The following CACNB3 variants were observed in gnomAD, a reference collection of about 807,000 sequenced individuals.
CACNB3 encodes calcium voltage-gated channel auxiliary subunit beta 3.
Under a neutral mutation model 63.7 loss-of-function variants are expected in CACNB3, and 36 were observed. That is an observed-to-expected ratio of 0.57 (90% CI 0.43 to 0.75). The LOEUF (loss-of-function observed/expected upper bound fraction) is 0.75. CACNB3 is among the 30% of genes least tolerant of loss of function. The pLI is 0.00. For synonymous variants in CACNB3, 241 were observed against 250.6 expected, an observed-to-expected ratio of 0.96 and a Z score of 0.36; for missense variants, 493 against 648.6, an observed-to-expected ratio of 0.76 and a Z score of 2.61.
At position 48,828,294 on chromosome 12, in the gene CACNB3, A is replaced by T; in HGVS notation, c.*395A>T. The stretch of plus-strand genomic sequence containing the variant: ...AAGGGTGGGGTGTGGGCACCATGGC[A>T]TGAGGAAGAAACAAGGTCCCTGAGC... On this transcript the variant is annotated 3_prime_UTR_variant, in exon 13 of 13. Transcript: ENST00000301050. 3.2e-6 allele frequency: 1 copy of T among 312,812 alleles called. No homozygotes were observed. Among genetic ancestry groups the T allele is most frequent in the Non-Finnish European group, 6.2e-6 (1 of 161,048 alleles). The allele number at this position is 312,812 out of a possible 1,614,324, so 19.4% of individuals were successfully genotyped here. A position where few individuals can be genotyped will look rare whatever the true frequency, so the allele number is the denominator to read the frequency against.
chr12:48,826,258 C>G lies in CACNB3; in HGVS notation c.743-109C>G. The G allele has an allele frequency of 2.7e-6, 3 of 1,097,580 alleles. No individual in the cohort carries two copies. Among genetic ancestry groups the G allele is most frequent in the Non-Finnish European group, 4.0e-6 (3 of 743,368 alleles). 68.0% of individuals were successfully genotyped at this position (1,097,580 alleles called of 1,614,324 possible). A position where few individuals can be genotyped will look rare whatever the true frequency, so the allele number is the denominator to read the frequency against. On this transcript the variant is annotated intron_variant, in intron 9 of 12. Transcript: ENST00000301050. The surrounding 1 kb of genome is among the most constrained non-coding windows in gnomAD (Gnocchi z 4.8). Reference sequence around the variant, plus strand: ...CTGCCTGTCCAGGCTTCGATGAATGCCCTTTTCCTCCAATTCCTTCCTGTC... The same window carrying G: ...CTGCCTGTCCAGGCTTCGATGAATGGCCTTTTCCTCCAATTCCTTCCTGTC...
chr12:48,824,281 C>G lies in CACNB3; in HGVS notation c.315C>G (p.Ile105Met). ...IKEKYSNDWWIGRLVKEGGDI... is the reference protein window; with the variant it reads ...IKEKYSNDWWMGRLVKEGGDI... ...AGAAGTACAGCAATGACTGGTGGATCGGGCGGCTAGTGAAAGAGGGCGGGG... is the reference window on the plus strand; with the variant it reads ...AGAAGTACAGCAATGACTGGTGGATGGGGCGGCTAGTGAAAGAGGGCGGGG... Residue 105 changes from isoleucine to methionine, a missense_variant, in exon 4 of 13, where the codon ATC (isoleucine) becomes ATG (methionine). Physicochemically the swap from Ile to Met is conservative, Grantham distance 10 (BLOSUM62 1). Coordinates refer to ENST00000301050, the MANE Select transcript of CACNB3 (RefSeq NM_000725.4). The G allele has an allele frequency of 1.2e-6, 2 of 1,613,030 alleles. No homozygotes were observed. The highest frequency in any genetic ancestry group is 1.7e-6 in the Non-Finnish European group (2 of 1,179,640).
At chr12:48,814,743 C>G (rs1942244942), upstream of CACNB3, 2 of 567,162 alleles carry the variant, frequency 3.5e-6, no homozygotes, top group Non-Finnish European at 5.9e-6. The surrounding 1 kb of genome is among the most constrained non-coding windows in gnomAD (Gnocchi z 6.9). Context: ...TGCGTCCCCC[C>G]TGCTCTGGCC....
rs1937981922 is a variant in CACNB3, at chr12:48,823,885, C to T, written c.291+82C>T. 1 of 1,564,862 alleles carries T rather than the reference C, an allele frequency of 6.4e-7. No individual in the cohort carries two copies. The highest frequency in any genetic ancestry group is 1.7e-5 in the Admixed American group (1 of 57,890). On this transcript the variant is annotated intron_variant, in intron 3 of 12. Transcript: ENST00000301050. This position sits in a 1 kb window ranked among gnomAD's most constrained non-coding sequence, Gnocchi z 4.2. ...AGATCCTAATGCTTCTGACTTGAATCCTCAGTCTAATTCCCCAAGCTAATC... is the reference window on the plus strand; with the variant it reads ...AGATCCTAATGCTTCTGACTTGAATTCTCAGTCTAATTCCCCAAGCTAATC...
intron 12 of CACNB3, 32 bp downstream of exon 12, chr12:48,827,155 G>T: frequency 6.2e-7 from 1 of 1,608,448 alleles, no homozygotes. Context: ...AGATGCTCAA[G>T]CTAAGCCAGC....
intron 1 of CACNB3, among the ~76,000 whole-genome samples, chr12:48,822,548 G>C (rs1277712661): frequency 6.6e-6 from 1 of 152,196 alleles, no homozygotes; most frequent in Non-Finnish European, 1.5e-5. Flanking sequence ...CCTGGGAAAG[G>C]ACTAGGGAGA....
chr12:48,819,359 C>T (rs190446706), intron 1 of CACNB3, among the ~76,000 whole-genome samples: 3 of 152,226 alleles, frequency 2.0e-5, no homozygotes, highest in Non-Finnish European at 4.4e-5. Context: ...CTAGGAGAGC[C>T]GCCGAGGTGG....
In CACNB3 at chr12:48,828,070, A is replaced by G. The variant is rs1206214669; in HGVS notation, c.*171A>G. The G allele has an allele frequency of 7.9e-6, 5 of 633,118 alleles. No homozygotes were observed. Among genetic ancestry groups the G allele is most frequent in the Admixed American group, 2.9e-5 (1 of 34,526 alleles). 39.2% of individuals were successfully genotyped at this position (633,118 alleles called of 1,614,324 possible). A position where few individuals can be genotyped will look rare whatever the true frequency, so the allele number is the denominator to read the frequency against. On this transcript the variant is annotated 3_prime_UTR_variant, in exon 13 of 13. Coordinates refer to ENST00000301050, the MANE Select transcript of CACNB3 (RefSeq NM_000725.4). ...GTGGTCCCAAGGTTCTGGGAGAAAC[A>G]GGGGACCCCCTCACCTCCTGGGCAG...
Position 48,827,749 on chromosome 12 carries a change from C to T in CACNB3, c.1305C>T (p.Asp435=). 6 of 1,614,148 alleles carry T rather than the reference C, an allele frequency of 3.7e-6. No homozygotes were observed. Among genetic ancestry groups the T allele is most frequent in the Non-Finnish European group, 5.1e-6 (6 of 1,180,018 alleles). Residue 435 remains aspartate, a synonymous_variant, in exon 13 of 13, where the codon GAC becomes GAT. Transcript: ENST00000301050. ...LEEDYADAYQ[D]LYQPHRQHTS... ...AGGACTATGCAGATGCCTACCAGGA[C>T]CTGTACCAGCCTCACCGCCAACACA... is the stretch of plus-strand genomic sequence containing the variant.
In CACNB3 at chr12:48,818,816, C is replaced by T; in HGVS notation, c.-114C>T. The T allele has an allele frequency of 3.6e-6, 5 of 1,374,428 alleles. No individual in the cohort carries two copies. In the South Asian group the frequency reaches 7.0e-5, roughly 19 times the overall value. The allele number at this position is 1,374,428 out of a possible 1,614,324, so 85.1% of individuals were successfully genotyped here. On this transcript the variant is annotated 5_prime_UTR_variant, in exon 1 of 13. Coordinates refer to ENST00000301050, the MANE Select transcript of CACNB3 (RefSeq NM_000725.4). This position sits in a 1 kb window ranked among gnomAD's most constrained non-coding sequence, Gnocchi z 4.3. ...GCGCTCTCTCGCTCCCTGCCGCCGCCCGCAGGGCTGCGGGGCTCGGTGGCA... is the reference window on the plus strand; with the variant it reads ...GCGCTCTCTCGCTCCCTGCCGCCGCTCGCAGGGCTGCGGGGCTCGGTGGCA...
At chr12:48,815,425 G>A, upstream of CACNB3, 1 of 704,758 alleles carries the variant, frequency 1.4e-6, no homozygotes, top group East Asian at 3.0e-5. Flanking sequence ...AGAGACGGAA[G>A]TGGAGAGAGG....
Position 48,818,774 on chromosome 12 carries a change from G to C in CACNB3, c.-156G>C. The stretch of plus-strand genomic sequence containing the variant: ...TGAGCTCCGAGCAGCTGGTCTTCGC[G>C]GCTCGCTCCCTCCTTCGCGCTCTCT... On this transcript the variant is annotated 5_prime_UTR_variant, in exon 1 of 13. Transcript: ENST00000301050. The surrounding 1 kb of genome is among the most constrained non-coding windows in gnomAD (Gnocchi z 4.3). 1 of 1,346,206 alleles carries C rather than the reference G, an allele frequency of 7.4e-7. No individual in the cohort carries two copies. Among genetic ancestry groups the C allele is most frequent in the Non-Finnish European group, 9.5e-7 (1 of 1,048,900 alleles). The allele number at this position is 1,346,206 out of a possible 1,614,324, so 83.4% of individuals were successfully genotyped here. A position where few individuals can be genotyped will look rare whatever the true frequency, so the allele number is the denominator to read the frequency against.
chr12:48,827,818 G>A lies in CACNB3; in HGVS notation c.1374G>A (p.Arg458=). 1 of 1,614,156 alleles carries A rather than the reference G, an allele frequency of 6.2e-7. No homozygotes were observed. Among genetic ancestry groups the A allele is most frequent in the Non-Finnish European group, 8.5e-7 (1 of 1,180,024 alleles). ...CTAACGGGCATGACCCCCAAGACCG[G>A]CTTCTAGCCCAGGACTCAGAGCACA... ...PSANGHDPQD[R]LLAQDSEHNH... Residue 458 remains arginine, a synonymous_variant, in exon 13 of 13, where the codon CGG becomes CGA. Transcript: ENST00000301050.
chr12:48,824,445 G>A, intron 4 of CACNB3, 72 bp downstream of exon 4: 1 of 1,343,284 alleles, frequency 7.4e-7, no homozygotes, highest in Non-Finnish European at 1.0e-6. Flanking sequence ...ACGTCACCAT[G>A]CATGCCATAC....
At chr12:48,818,406 AGTTCCTGGGTTGCCGAGC>A, upstream of CACNB3, 3 of 972,654 alleles carry the variant, frequency 3.1e-6, no homozygotes, top group Non-Finnish European at 3.7e-6. This position sits in a 1 kb window ranked among gnomAD's most constrained non-coding sequence, Gnocchi z 4.3. Flanking sequence ...CCGGCGGAGT[AGTTCCTGGGTTGCCGAGC>A]GTCTCTGTCT....
chr12:48,817,649 T>C (rs1337612697), upstream of CACNB3, among the ~76,000 whole-genome samples: 1 of 152,182 alleles, frequency 6.6e-6, no homozygotes, highest in Non-Finnish European at 1.5e-5. Flanking sequence ...TCAATGCTCC[T>C]GTAAAGGAGA....
In CACNB3 at chr12:48,823,373, ATC is replaced by A; in HGVS notation, c.79_80del (p.Leu27GlyfsTer16). The A allele has an allele frequency of 6.2e-7, 1 of 1,614,092 alleles. No homozygotes were observed. On this transcript the variant is annotated frameshift_variant, in exon 2 of 13. Transcript: ENST00000301050. LOFTEE classifies it high-confidence loss of function. The surrounding 1 kb of genome is among the most constrained non-coding windows in gnomAD (Gnocchi z 4.2). ...CAGCCGACTCCTACACCAGCCGCCCATCTCTGGACTCAGACGTCTCCCTGGAG... is the reference window on the plus strand; with the variant it reads ...CAGCCGACTCCTACACCAGCCGCCCATCTGGACTCAGACGTCTCCCTGGAG... ...GSADSYTSRP[S>X]LDSDVSLEED...
At chr12:48,824,465 T>C (rs1164493538) in intron 4 of CACNB3, 92 bp downstream of exon 4, 1 of 1,176,590 alleles carries the variant, frequency 8.5e-7, no homozygotes, top group Non-Finnish European at 1.2e-6. Flanking sequence ...CACATGCATA[T>C]CCCCCTGAAA....
chr12:48,825,104 C>A lies in CACNB3; in HGVS notation c.493-59C>A, dbSNP rs1428484134. On this transcript the variant is annotated intron_variant, in intron 6 of 12. Transcript: ENST00000301050. This position sits in a 1 kb window ranked among gnomAD's most constrained non-coding sequence, Gnocchi z 4.5. ...ACCTCTGGATCTGCCCTGACGCCAA[C>A]CAGGCATGAGACAGGCACCAGGGCC... 8.1e-6 allele frequency: 13 copies of A among 1,597,074 alleles called. No individual in the cohort carries two copies. Among genetic ancestry groups the A allele is most frequent in the Non-Finnish European group, 1.0e-5 (12 of 1,164,804 alleles).
Sources: gnomAD v4.1 joint callset for allele counts (sites outside exome capture counted in the v4.1 genomes callset) on GRCh38, gnomAD v4.1.1 for gene constraint, Gnocchi (gnomAD v3.1) non-coding constraint, MANE v1.5 for transcripts, NCBI Gene and HGNC (gene_info 2026-07-23, HGNC 2026-07-21) for gene names.